The following RBMS3 variants were observed in gnomAD, a reference collection of about 807,000 sequenced individuals.
RBMS3 encodes the protein RNA-binding motif, single-stranded-interacting protein 3.
A neutral mutation model predicts 66.8 loss-of-function variants in RBMS3; 27 were observed. The ratio of observed to expected loss-of-function variants is 0.40; its 90% CI spans 0.30 to 0.56. The LOEUF (loss-of-function observed/expected upper bound fraction) is 0.56. Ranked by LOEUF, RBMS3 falls within the 20% of genes least tolerant of loss-of-function variation. The pLI, the probability that RBMS3 is intolerant of heterozygous loss-of-function variation, is 0.40. For synonymous variants in RBMS3, 188 were observed against 183.0 expected (o/e 1.03, Z -0.22); for missense variants, 513 against 549.5 (o/e 0.93, Z 0.66).
intron 1 of RBMS3, among the ~76,000 whole-genome samples, chr3:29,353,388 G>A (rs892725128): frequency 2.6e-5 from 4 of 151,732 alleles, no homozygotes; most frequent in African/African-American, 9.7e-5. Context: ...AATATTAGAC[G>A]AGCTCTGTGT....
At chr3:29,768,648 G>A (rs145766437) in intron 6 of RBMS3, among the ~76,000 whole-genome samples, 5,118 of 151,858 alleles carry the variant, frequency 0.034, 113 homozygotes, top group Non-Finnish European at 0.052. Flanking sequence ...ACAGACAAAC[G>A]TCTTCTACAA....
At chr3:29,575,596 T>G (rs1403394388) in intron 3 of RBMS3, among the ~76,000 whole-genome samples, 1 of 152,146 alleles carries the variant, frequency 6.6e-6, no homozygotes, top group Non-Finnish European at 1.5e-5. Flanking sequence ...TTTCTACACA[T>G]AACTCTTTCT....
At chr3:29,380,558 G>A (rs572354403) in intron 1 of RBMS3, among the ~76,000 whole-genome samples, 1 of 152,308 alleles carries the variant, frequency 6.6e-6, no homozygotes, top group South Asian at 2.1e-4. Flanking sequence ...TGTGAGGTAA[G>A]TATTGTTTTG....
At chr3:29,987,036 T>A (rs1239873954) in intron 12 of RBMS3, among the ~76,000 whole-genome samples, 1 of 152,224 alleles carries the variant, frequency 6.6e-6, no homozygotes, top group Non-Finnish European at 1.5e-5. Flanking sequence ...GCCTCTTAAA[T>A]ACTGAATATA....
intron 6 of RBMS3, among the ~76,000 whole-genome samples, chr3:29,863,333 A>T (rs2059265479): frequency 6.6e-6 from 1 of 152,072 alleles, no homozygotes; most frequent in Non-Finnish European, 1.5e-5. Context: ...CATATGTAAC[A>T]AACCTGCACA....
chr3:29,455,562 A>G (rs1412263922), intron 2 of RBMS3, among the ~76,000 whole-genome samples: 1 of 152,176 alleles, frequency 6.6e-6, no homozygotes, highest in Non-Finnish European at 1.5e-5. Flanking sequence ...GTTTCTGTTT[A>G]AAGACACCTA....
intron 4 of RBMS3, among the ~76,000 whole-genome samples, chr3:29,665,179 G>GATAAAAA (rs1192068522): frequency 6.6e-6 from 1 of 152,072 alleles, no homozygotes; most frequent in Non-Finnish European, 1.5e-5. Flanking sequence ...TATTTAACTA[G>GATAAAAA]TTTTTCTATG....
chr3:29,928,115 TG>T (rs2060989316), intron 10 of RBMS3, among the ~76,000 whole-genome samples: 1 of 150,158 alleles, frequency 6.7e-6, no homozygotes, highest in African/African-American at 2.4e-5. Flanking sequence ...CATTTAACAC[TG>T]TTTCCCTTAT....
At chr3:29,739,397 A>G (rs2054529344) in intron 4 of RBMS3, among the ~76,000 whole-genome samples, 1 of 148,732 alleles carries the variant, frequency 6.7e-6, no homozygotes. Flanking sequence ...CAGAGCTTGC[A>G]GTGAGTCGAG....
chr3:29,432,135 T>C (rs749079343), intron 1 of RBMS3, among the ~76,000 whole-genome samples: 3 of 152,132 alleles, frequency 2.0e-5, no homozygotes, highest in Non-Finnish European at 2.9e-5. Context: ...GATGGTACAG[T>C]CTCTGGCTGA....
chr3:29,859,742 T>A (rs567009229), intron 6 of RBMS3, among the ~76,000 whole-genome samples: 11 of 152,370 alleles, frequency 7.2e-5, no homozygotes, highest in African/African-American at 2.6e-4. Context: ...CTTTGCCATA[T>A]GCAGGTTTTC....
At chr3:29,841,050 G>A (rs1002709120) in intron 6 of RBMS3, among the ~76,000 whole-genome samples, 1 of 144,252 alleles carries the variant, frequency 6.9e-6, no homozygotes, top group Non-Finnish European at 1.5e-5. Context: ...GTAAAAGTTA[G>A]ACAGTGTCAT....
At chr3:29,994,630 G>C (rs537205485) in intron 14 of RBMS3, among the ~76,000 whole-genome samples, 2 of 152,328 alleles carry the variant, frequency 1.3e-5, no homozygotes, top group African/African-American at 4.8e-5. Flanking sequence ...CCCCCGAGCA[G>C]CCTAACTGGG....
chr3:29,814,126 A>G (rs2057806412), intron 6 of RBMS3, among the ~76,000 whole-genome samples: 1 of 151,552 alleles, frequency 6.6e-6, no homozygotes, highest in African/African-American at 2.4e-5. Flanking sequence ...TTTGTCATAG[A>G]TAGCTCTTAT....
At chr3:29,466,429 AT>A (rs1278758467) in intron 2 of RBMS3, among the ~76,000 whole-genome samples, 2 of 152,068 alleles carry the variant, frequency 1.3e-5, no homozygotes, top group African/African-American at 2.4e-5. Flanking sequence ...TTGTTTATAT[AT>A]TTTTTTAGCT....
intron 8 of RBMS3, among the ~76,000 whole-genome samples, chr3:29,892,839 G>GTATTTATTTATTTATT (rs1171979340): frequency 1.4e-4 from 12 of 86,684 alleles, no homozygotes; most frequent in African/African-American, 5.9e-4. Context: ...ATGTATGTAT[G>GTATTTATTTATTTATT]TATGTATTTA....
At chr3:29,360,198 C>G (rs1353426205) in intron 1 of RBMS3, among the ~76,000 whole-genome samples, 1 of 150,842 alleles carries the variant, frequency 6.6e-6, no homozygotes, top group African/African-American at 2.5e-5. Flanking sequence ...CTATAAATTT[C>G]CCTCTACACA....
At chr3:29,380,586 A>G (rs992241585) in intron 1 of RBMS3, among the ~76,000 whole-genome samples, 1 of 152,220 alleles carries the variant, frequency 6.6e-6, no homozygotes, top group African/African-American at 2.4e-5. Flanking sequence ...TTCATAGATA[A>G]CGAAACTGAG....
chr3:29,354,417 C>G (rs1460767029), intron 1 of RBMS3, among the ~76,000 whole-genome samples: 1 of 152,038 alleles, frequency 6.6e-6, no homozygotes, highest in Admixed American at 6.6e-5. Flanking sequence ...CATACTTTCT[C>G]TCTCTGTCTC....
Sources: gnomAD v4.1 joint callset for allele counts (sites outside exome capture counted in the v4.1 genomes callset) on GRCh38, gnomAD v4.1.1 for gene constraint, MANE v1.5 for transcripts, NCBI Gene and HGNC (gene_info 2026-07-23, HGNC 2026-07-21) for gene names.